Variants in MB21D2 observed in about 807,000 individuals in gnomAD.
MB21D2 encodes Mab-21 domain containing 2.
Under a neutral mutation model 33.3 loss-of-function variants are expected in MB21D2, and 9 were observed. The observed-to-expected ratio is 0.27, with a 90% CI of 0.16 to 0.47. MB21D2 has a LOEUF of 0.47. Ranked by LOEUF, MB21D2 falls within the 20% of genes least tolerant of loss-of-function variation. MB21D2 has a pLI of 0.99. For synonymous variants in MB21D2, 241 were observed against 236.3 expected (o/e 1.02, Z -0.18); for missense variants, 540 against 624.6 (o/e 0.86, Z 1.44).
At chr3:192,829,711 G>A (rs1458187421) in intron 1 of MB21D2, among the ~76,000 whole-genome samples, 1 of 152,082 alleles carries the variant, frequency 6.6e-6, no homozygotes, top group East Asian at 1.9e-4. Context: ...TTATGTTTAT[G>A]TTTGTATGTA....
At chr3:192,853,607 G>A (rs1167832372) in intron 1 of MB21D2, among the ~76,000 whole-genome samples, 1 of 151,808 alleles carries the variant, frequency 6.6e-6, no homozygotes. Context: ...TTTGCACTAC[G>A]CTAAATGTTC....
intron 1 of MB21D2, among the ~76,000 whole-genome samples, chr3:192,913,624 GACC>G (rs1714400877): frequency 1.3e-5 from 2 of 152,002 alleles, no homozygotes; most frequent in South Asian, 4.2e-4. Context: ...AGGATTTTGA[GACC>G]AGCCTGGGCA....
chr3:192,900,307 AAT>A (rs1560255284), intron 1 of MB21D2, among the ~76,000 whole-genome samples: 1 of 143,106 alleles, frequency 7.0e-6, no homozygotes, highest in African/African-American at 2.6e-5. Flanking sequence ...AAAAAAAAAA[AAT>A]CACAGAAAGT....
intron 1 of MB21D2, among the ~76,000 whole-genome samples, chr3:192,854,719 T>A (rs1712880284): frequency 6.6e-6 from 1 of 152,212 alleles, no homozygotes; most frequent in Non-Finnish European, 1.5e-5. Context: ...ATGCAGCTGG[T>A]GACTTTAAAT....
chr3:192,820,122 G>A (rs1037012949), intron 1 of MB21D2, among the ~76,000 whole-genome samples: 4 of 152,178 alleles, frequency 2.6e-5, no homozygotes, highest in Admixed American at 1.3e-4. Context: ...GGGAGAGAAA[G>A]GGGAGGGAGA....
At chr3:192,890,701 A>G (rs774490203) in intron 1 of MB21D2, among the ~76,000 whole-genome samples, 1 of 152,072 alleles carries the variant, frequency 6.6e-6, no homozygotes, top group Non-Finnish European at 1.5e-5. Context: ...TGATTGTGCT[A>G]TCTGGTTAAA....
chr3:192,891,657 T>C (rs1713856537), intron 1 of MB21D2, among the ~76,000 whole-genome samples: 1 of 152,118 alleles, frequency 6.6e-6, no homozygotes, highest in Non-Finnish European at 1.5e-5. Context: ...GTTAATGCTT[T>C]TATTACTGTT....
intron 1 of MB21D2, among the ~76,000 whole-genome samples, chr3:192,801,069 T>C (rs1355849395): frequency 2.6e-5 from 4 of 152,206 alleles, no homozygotes. Flanking sequence ...TAAGCAGGTA[T>C]AGAAGACTCC....
At chr3:192,847,431 G>A (rs1003378846) in intron 1 of MB21D2, among the ~76,000 whole-genome samples, 2 of 152,090 alleles carry the variant, frequency 1.3e-5, no homozygotes, top group Admixed American at 1.3e-4. Context: ...GCTGTGCCAC[G>A]AACTAGCAGT....
At chr3:192,882,534 G>A (rs1436398111) in intron 1 of MB21D2, among the ~76,000 whole-genome samples, 1 of 152,096 alleles carries the variant, frequency 6.6e-6, no homozygotes, top group Non-Finnish European at 1.5e-5. Context: ...TCTCATAGGT[G>A]CACCCAAGGG....
chr3:192,819,435 G>A (rs1056436198), intron 1 of MB21D2, among the ~76,000 whole-genome samples: 2 of 152,040 alleles, frequency 1.3e-5, no homozygotes, highest in Non-Finnish European at 2.9e-5. Context: ...GAGGGTGAAG[G>A]TGGAAGATGA....
intron 1 of MB21D2, among the ~76,000 whole-genome samples, chr3:192,812,385 C>T (rs1317370343): frequency 6.6e-6 from 1 of 152,056 alleles, no homozygotes; most frequent in African/African-American, 2.4e-5. Context: ...TATGTGTTTA[C>T]CTGTCAGTGT....
intron 1 of MB21D2, among the ~76,000 whole-genome samples, chr3:192,915,770 G>A (rs569009272): frequency 6.6e-6 from 1 of 152,262 alleles, no homozygotes; most frequent in Non-Finnish European, 1.5e-5. Context: ...GTTAAGCACA[G>A]AAGTTCCTCA....
intron 1 of MB21D2, among the ~76,000 whole-genome samples, chr3:192,895,636 T>C (rs539450503): frequency 2.0e-5 from 3 of 152,348 alleles, no homozygotes; most frequent in South Asian, 2.1e-4. Context: ...TTTCATTCAG[T>C]TTCCTGGAAA....
At chr3:192,854,115 G>A (rs933298948) in intron 1 of MB21D2, among the ~76,000 whole-genome samples, 10 of 152,166 alleles carry the variant, frequency 6.6e-5, no homozygotes, top group Admixed American at 2.6e-4. Context: ...ACCCTAAGTC[G>A]AAAGACAGAA....
chr3:192,856,657 G>A (rs777258203), intron 1 of MB21D2, among the ~76,000 whole-genome samples: 1 of 151,982 alleles, frequency 6.6e-6, no homozygotes, highest in African/African-American at 2.4e-5. Context: ...AGGCTCAAGC[G>A]ATCCCCCTAC....
chr3:192,894,666 G>C (rs934032535), intron 1 of MB21D2, among the ~76,000 whole-genome samples: 9 of 152,006 alleles, frequency 5.9e-5, no homozygotes, highest in African/African-American at 2.2e-4. Flanking sequence ...AAAGCGATTG[G>C]AGTTTCCACT....
intron 1 of MB21D2, among the ~76,000 whole-genome samples, chr3:192,900,914 C>A (rs1714085248): frequency 6.7e-6 from 1 of 149,678 alleles, no homozygotes. Context: ...GCACTCCAGC[C>A]TGGGTGACAG....
At chr3:192,833,419 C>CA (rs1341624192) in intron 1 of MB21D2, among the ~76,000 whole-genome samples, 1 of 152,070 alleles carries the variant, frequency 6.6e-6, no homozygotes, top group African/African-American at 2.4e-5. Context: ...CTTTTTTCTG[C>CA]AAAAACAAAA....
Sources: gnomAD v4.1 joint callset for allele counts (sites outside exome capture counted in the v4.1 genomes callset) on GRCh38, gnomAD v4.1.1 for gene constraint, MANE v1.5 for transcripts, NCBI Gene and HGNC (gene_info 2026-07-23, HGNC 2026-07-21) for gene names.